Variants in AGFG2 observed in about 807,000 individuals in gnomAD.
The protein encoded by AGFG2 is ArfGAP with FG repeats 2, also known as arf-GAP domain and FG repeat-containing protein 2.
A neutral mutation model predicts 48.0 loss-of-function variants in AGFG2; 31 were observed. That is an observed-to-expected ratio of 0.65 (90% CI 0.49 to 0.87). AGFG2 has a LOEUF of 0.87. Ranked by LOEUF, AGFG2 falls within the 40% of genes least tolerant of loss-of-function variation. AGFG2 has a pLI of 0.00. For synonymous variants in AGFG2, 229 were observed against 260.8 expected, an observed-to-expected ratio of 0.88 and a Z score of 1.18; for missense variants, 599 against 632.6, an observed-to-expected ratio of 0.95 and a Z score of 0.57.
Position 100,558,713 on chromosome 7 carries a change from T to C in AGFG2, c.877+2978T>C, listed in dbSNP as rs12111919. On this transcript the variant is annotated intron_variant, in intron 6 of 11. Transcript: ENST00000300176. ...CCCGCCACCACACCTGGCTAATTTT[T>C]TGTATTTTTAGTAGAGACAGGGTTT... 2.3e-3 allele frequency among the ~76,000 whole-genome samples: 349 copies of C among 152,094 alleles called. 3 individuals are homozygous for C. The highest frequency in any genetic ancestry group is 8.0e-3 in the African/African-American group (333 of 41,510).
intron 2 of AGFG2, 104 bp downstream of exon 2, chr7:100,549,019 C>T (rs1800570374): frequency 1.1e-6 from 1 of 913,856 alleles, no homozygotes; most frequent in African/African-American, 1.7e-5. Context: ...GGTTGAGTTT[C>T]TCTTAATTTT....
In AGFG2 at chr7:100,563,919, A is replaced by C; in HGVS notation, c.1257A>C (p.Ala419=). ...PTGAFASSFP[A]PLFPPQTPLV... Reference sequence around the variant, plus strand: ...GGGCCTTTGCCAGCTCCTTCCCAGCACCGCTGTTCCCCCCGCAGACCCCGC... The same window carrying C: ...GGGCCTTTGCCAGCTCCTTCCCAGCCCCGCTGTTCCCCCCGCAGACCCCGC... Residue 419 remains alanine, a synonymous_variant, in exon 10 of 12, where the codon GCA becomes GCC. Coordinates refer to ENST00000300176, the MANE Select transcript of AGFG2 (RefSeq NM_006076.5). 6.2e-7 allele frequency: 1 copy of C among 1,609,254 alleles called. No individual in the cohort carries two copies.
chr7:100,556,351 A>T (rs573020533), intron 6 of AGFG2: 1 of 204,092 alleles, frequency 4.9e-6, no homozygotes, highest in Non-Finnish European at 1.0e-5. Flanking sequence ...CAAATAAACT[A>T]TGTTATTTAG....
intron 6 of AGFG2, chr7:100,556,462 C>T: frequency 1.6e-6 from 1 of 644,886 alleles, no homozygotes; most frequent in Non-Finnish European, 2.2e-6. Flanking sequence ...TGCCATTGGA[C>T]ATCCTGGACA....
At chr7:100,561,960 CTG>C in intron 6 of AGFG2, among the ~76,000 whole-genome samples, 1 of 152,330 alleles carries the variant, frequency 6.6e-6, no homozygotes, top group South Asian at 2.1e-4. Flanking sequence ...GAAAGCCAAA[CTG>C]GAGCAGGAGG....
At chr7:100,550,845 T>C (rs141186748) in intron 3 of AGFG2, among the ~76,000 whole-genome samples, 3,196 of 150,692 alleles carry the variant, frequency 0.021, 43 homozygotes, top group Non-Finnish European at 0.032. Flanking sequence ...TTTTATTCCT[T>C]TAACCCATCA....
At chr7:100,548,734 C>T (rs1444829615) in intron 1 of AGFG2, 88 bp from the exon 2 acceptor site, 6 of 962,372 alleles carry the variant, frequency 6.2e-6, no homozygotes, top group Non-Finnish European at 1.0e-5. Flanking sequence ...TATTCTTTCA[C>T]CCTTTCTCCC....
intron 6 of AGFG2, among the ~76,000 whole-genome samples, chr7:100,560,068 C>T (rs137961939): frequency 1.1e-4 from 16 of 152,202 alleles, no homozygotes; most frequent in Admixed American, 5.2e-4. Context: ...GTCAGCCATC[C>T]GAGGAAAGGG....
At position 100,561,910 on chromosome 7, in the gene AGFG2, A is replaced by G. The variant is rs1800882054; in HGVS notation, c.878-349A>G. Reference sequence around the variant, plus strand: ...TAAATGGAAATGCGGGCTTGAGGAAAGGACAGGCTTTTCCATCTCTTGAGG... The same window carrying G: ...TAAATGGAAATGCGGGCTTGAGGAAGGGACAGGCTTTTCCATCTCTTGAGG... On this transcript the variant is annotated intron_variant, in intron 6 of 11. Coordinates refer to ENST00000300176, the MANE Select transcript of AGFG2 (RefSeq NM_006076.5). Among the ~76,000 whole-genome samples the G allele has an allele frequency of 2.0e-5, 3 of 152,254 alleles. No individual in the cohort carries two copies. In the South Asian group the frequency reaches 6.2e-4, roughly 32 times the overall value.
chr7:100,541,010 C>CAAAAAAA (rs11353093), intron 1 of AGFG2, among the ~76,000 whole-genome samples: 1 of 75,560 alleles, frequency 1.3e-5, no homozygotes, highest in Admixed American at 1.5e-4. Context: ...GACACTGTCT[C>CAAAAAAA]AAAAAAAAAA....
rs1562793230 is a variant in AGFG2 at position 100,554,127 on chromosome 7, C to T, written c.620C>T (p.Ala207Val). 6.2e-7 allele frequency: 1 copy of T among 1,613,994 alleles called. No homozygotes were observed. The highest frequency in any genetic ancestry group is 1.3e-5 in the African/African-American group (1 of 74,932). ...CAGTCTCACGCTCGGACATCCCAGG[C>T]CCGGAGCACTCAGCCACCTCCCCAC... ...VSQSHARTSQARSTQPPPHSS... is the reference protein window; with the variant it reads ...VSQSHARTSQVRSTQPPPHSS... Residue 207 changes from alanine (A) to valine (V), a missense_variant, in exon 5 of 12, where the codon GCC becomes GTC. Ala to Val is a moderately conservative substitution (Grantham distance 64, BLOSUM62 0). Coordinates refer to ENST00000300176, the MANE Select transcript of AGFG2 (RefSeq NM_006076.5).
chr7:100,545,951 C>T (rs1242218153), intron 1 of AGFG2, among the ~76,000 whole-genome samples: 1 of 152,136 alleles, frequency 6.6e-6, no homozygotes, highest in Non-Finnish European at 1.5e-5. Context: ...GGCCCCCTTC[C>T]TAGGCTGCAG....
intron 5 of AGFG2, among the ~76,000 whole-genome samples, chr7:100,554,659 G>T (rs1322465159): frequency 6.6e-6 from 1 of 152,096 alleles, no homozygotes; most frequent in Non-Finnish European, 1.5e-5. Context: ...TTTCAAGCCA[G>T]ACACAGTGGC....
chr7:100,551,485 G>A (rs1292563202), intron 3 of AGFG2, among the ~76,000 whole-genome samples: 2 of 151,736 alleles, frequency 1.3e-5, no homozygotes, highest in South Asian at 2.1e-4. Flanking sequence ...GATTACAGGC[G>A]TGAGCCACCG....
chr7:100,539,771 C>T (rs879588655), intron 1 of AGFG2, among the ~76,000 whole-genome samples: 24 of 151,826 alleles, frequency 1.6e-4, no homozygotes, highest in Non-Finnish European at 2.4e-4. Context: ...GAAGCAAGGC[C>T]GGAGTCGCTC....
At chr7:100,543,329 T>G (rs1273293296) in intron 1 of AGFG2, among the ~76,000 whole-genome samples, 1 of 152,200 alleles carries the variant, frequency 6.6e-6, no homozygotes, top group Non-Finnish European at 1.5e-5. Context: ...CCTCCCAAAG[T>G]GCTGGGATTA....
At chr7:100,549,423 T>C (rs1800579732) in intron 2 of AGFG2, among the ~76,000 whole-genome samples, 1 of 152,226 alleles carries the variant, frequency 6.6e-6, no homozygotes, top group African/African-American at 2.4e-5. Context: ...CTCAAGGGCC[T>C]CTGGAGGTGT....
chr7:100,541,946 T>C (rs1028787026), intron 1 of AGFG2, among the ~76,000 whole-genome samples: 3 of 152,146 alleles, frequency 2.0e-5, no homozygotes, highest in Admixed American at 2.0e-4. Flanking sequence ...ACAGATAACA[T>C]TTCCCTTATA....
Position 100,554,188 on chromosome 7 carries a change from TGACATC to T in AGFG2, c.683_688del (p.Asp228_Ile229del). 6.2e-7 allele frequency: 1 copy of T among 1,614,248 alleles called. No individual in the cohort carries two copies. The highest frequency in any genetic ancestry group is 1.6e-4 in the Middle Eastern group (1 of 6,062). On this transcript the variant is annotated inframe_deletion, in exon 5 of 12. Transcript: ENST00000300176. ...AAAAAGCCAGTACTGACCTGCTGGC[TGACATC>T]GGTGGAGACCCCTTTGCTGCACCCC...
Sources: gnomAD v4.1 joint callset for allele counts (sites outside exome capture counted in the v4.1 genomes callset) on GRCh38, gnomAD v4.1.1 for gene constraint, MANE v1.5 for transcripts, NCBI Gene and HGNC (gene_info 2026-07-23, HGNC 2026-07-21) for gene names.